Variants in NVL observed in about 807,000 individuals in gnomAD.
The protein encoded by NVL is nuclear VCP like.
In NVL, 84 loss-of-function variants were observed where a neutral mutation model predicts 110.2. The observed-to-expected ratio is 0.76, with a 90% CI of 0.64 to 0.91. NVL has a LOEUF of 0.91. NVL is among the 40% of genes least tolerant of loss of function. The pLI is 0.00. For synonymous variants in NVL, 354 were observed against 361.1 expected (o/e 0.98, Z 0.22); for missense variants, 882 against 1,035.9 (o/e 0.85, Z 2.04).
intron 2 of NVL, among the ~76,000 whole-genome samples, chr1:224,324,094 C>T (rs1052649469): frequency 1.8e-4 from 27 of 152,272 alleles, no homozygotes; most frequent in African/African-American, 6.5e-4. Flanking sequence ...CTATTACACA[C>T]CTAGACTACA....
intron 19 of NVL, among the ~76,000 whole-genome samples, chr1:224,239,130 G>A (rs895384716): frequency 6.6e-6 from 1 of 151,870 alleles, no homozygotes; most frequent in African/African-American, 2.4e-5. Flanking sequence ...TTTCTTTCTT[G>A]AATCTCTAAA....
At chr1:224,230,903 A>G (rs113226152) in intron 22 of NVL, among the ~76,000 whole-genome samples, 5,126 of 151,786 alleles carry the variant, frequency 0.034, 269 homozygotes, top group African/African-American at 0.12. Flanking sequence ...GGAGGCAGAG[A>G]CGGGCGGATC....
chr1:224,323,942 C>T (rs982868193), intron 2 of NVL, among the ~76,000 whole-genome samples: 5 of 152,216 alleles, frequency 3.3e-5, no homozygotes, highest in Non-Finnish European at 5.9e-5. Flanking sequence ...GTCTAACCTA[C>T]ACCTATGCCT....
chr1:224,274,647 A>G (rs1397320723), intron 17 of NVL, among the ~76,000 whole-genome samples: 1 of 152,178 alleles, frequency 6.6e-6, no homozygotes, highest in African/African-American at 2.4e-5. Context: ...GAAAAAAATA[A>G]AAATAAAAAT....
intron 11 of NVL, 97 bp from the exon 12 acceptor site, chr1:224,294,508 A>G: frequency 7.8e-7 from 1 of 1,275,224 alleles, no homozygotes; most frequent in Non-Finnish European, 1.1e-6. Context: ...AAAGTATTAC[A>G]GATTTTGACA....
At chr1:224,279,254 G>C (rs2102584213) in intron 16 of NVL, among the ~76,000 whole-genome samples, 2 of 152,196 alleles carry the variant, frequency 1.3e-5, no homozygotes, top group South Asian at 4.2e-4. Flanking sequence ...ACAGAGATAA[G>C]TATTATAAAT....
At position 224,255,191 on chromosome 1, in the gene NVL, T is replaced by TG. The variant is rs1346443770; in HGVS notation, c.2183-4874_2183-4873insC. ...GCCCAAAATGGTGTAGGTTTTTTTT[T>TG]TTTTTTTTTTTTTCCTGAGACAGGG... is the stretch of plus-strand genomic sequence containing the variant. On this transcript the variant is annotated intron_variant, in intron 18 of 22. Transcript: ENST00000281701. Among the ~76,000 whole-genome samples the TG allele has an allele frequency of 2.7e-3, 356 of 131,822 alleles. 2 individuals carry two copies. Among genetic ancestry groups the TG allele is most frequent in the Non-Finnish European group, 4.4e-3 (272 of 61,624 alleles). 86.5% of individuals were successfully genotyped at this position (131,822 alleles called of 152,430 possible). A position where few individuals can be genotyped will look rare whatever the true frequency, so the allele number is the denominator to read the frequency against.
intron 19 of NVL, among the ~76,000 whole-genome samples, chr1:224,249,158 T>TTC (rs1662185151): frequency 6.6e-6 from 1 of 151,900 alleles, no homozygotes; most frequent in Non-Finnish European, 1.5e-5. Flanking sequence ...CAATTTTTTT[T>TTC]TTTGAGAGAG....
At position 224,273,046 on chromosome 1, in the gene NVL, A is replaced by AAC. The variant is rs1553317404; in HGVS notation, c.2082+2292_2082+2293insGT. On this transcript the variant is annotated intron_variant, in intron 17 of 22. Coordinates refer to ENST00000281701, the MANE Select transcript of NVL (RefSeq NM_002533.4). ...GAGACTCCGTCTCAAAAAAAAACAA[A>AAC]AAAAACAAACAAACAAAAAAAAACA... Among the ~76,000 whole-genome samples the AAC allele has an allele frequency of 2.2e-5, 3 of 138,712 alleles. No homozygotes were observed. The Admixed American group carries it at 2.2e-4, about 10-fold the overall frequency. The allele number at this position is 138,712 out of a possible 152,430, so 91.0% of individuals were successfully genotyped here. A position where few individuals can be genotyped will look rare whatever the true frequency, so the allele number is the denominator to read the frequency against.
chr1:224,326,382 T>C lies in NVL; in HGVS notation c.131+9A>G. The C allele has an allele frequency of 1.3e-6, 2 of 1,586,050 alleles. No individual in the cohort carries two copies. The highest frequency in any genetic ancestry group is 1.7e-6 in the Non-Finnish European group (2 of 1,164,194). ...AAAATCCAAGGATCCGGAAACTATATTTATTTACCTGTACACTCTTTGTAA... is the reference window on the plus strand; with the variant it reads ...AAAATCCAAGGATCCGGAAACTATACTTATTTACCTGTACACTCTTTGTAA... On this transcript the variant is annotated intron_variant, in intron 2 of 22. Transcript: ENST00000281701.
chr1:224,288,378 A>T (rs1267755421), intron 13 of NVL, among the ~76,000 whole-genome samples: 1 of 152,196 alleles, frequency 6.6e-6, no homozygotes, highest in Non-Finnish European at 1.5e-5. Flanking sequence ...TGGAGGTAGT[A>T]TAATTCATTA....
At chr1:224,268,444 G>A (rs932977859) in intron 17 of NVL, among the ~76,000 whole-genome samples, 3 of 152,040 alleles carry the variant, frequency 2.0e-5, no homozygotes, top group African/African-American at 7.2e-5. Context: ...TGATGTTTTC[G>A]AGTTACTCAA....
intron 5 of NVL, 100 bp from the exon 6 acceptor site, chr1:224,308,363 T>C (rs929935894): frequency 9.6e-7 from 1 of 1,045,120 alleles, no homozygotes; most frequent in Non-Finnish European, 1.4e-6. Context: ...TTTTGTTTTT[T>C]AACAACTTCT....
chr1:224,292,939 G>A (rs904972965), intron 12 of NVL, among the ~76,000 whole-genome samples: 1 of 151,998 alleles, frequency 6.6e-6, no homozygotes, highest in African/African-American at 2.4e-5. Context: ...ATTTTTAGTA[G>A]AGATGGGGTT....
rs557162469 is a variant in NVL at position 224,267,084 on chromosome 1, A to G, written c.2182+950T>C. The stretch of plus-strand genomic sequence containing the variant: ...CTTTGTTGAGCTAATGTGGTGACGC[A>G]TAGTGGCCCCACAGATAGCTTCGGG... On this transcript the variant is annotated intron_variant, in intron 18 of 22. Coordinates refer to ENST00000281701, the MANE Select transcript of NVL (RefSeq NM_002533.4). 7.9e-5 allele frequency among the ~76,000 whole-genome samples: 12 copies of G among 152,290 alleles called. No individual in the cohort carries two copies. The East Asian group carries it at 1.3e-3, about 17-fold the overall frequency.
intron 18 of NVL, among the ~76,000 whole-genome samples, chr1:224,251,271 C>CAAAA (rs35538758): frequency 2.3e-4 from 14 of 62,154 alleles, no homozygotes; most frequent in East Asian, 6.0e-4. Flanking sequence ...GATACTGTCT[C>CAAAA]AAAAAAAAAA....
At chr1:224,244,860 A>G (rs1468319905) in intron 19 of NVL, among the ~76,000 whole-genome samples, 3 of 151,046 alleles carry the variant, frequency 2.0e-5, no homozygotes, top group East Asian at 2.0e-4. Context: ...GCTAATTTTT[A>G]TATTTTTAGT....
In NVL at chr1:224,287,522, T is replaced by C. The variant is rs116082673; in HGVS notation, c.1794+253A>G. Among the ~76,000 whole-genome samples, 1,035 of 152,262 alleles carry C rather than the reference T, an allele frequency of 6.8e-3. 8 individuals are homozygous for C. The highest frequency in any genetic ancestry group is 9.9e-3 in the Non-Finnish European group (671 of 68,018). On this transcript the variant is annotated intron_variant, in intron 14 of 22. Transcript: ENST00000281701. ...CATCAATACACATTTAATATATGTA[T>C]CAAAATATCACATGTATCCCAAAAA...
At chr1:224,296,423 ATTT>A in intron 11 of NVL, 75 bp downstream of exon 11, 1 of 744,000 alleles carries the variant, frequency 1.3e-6, no homozygotes, top group Non-Finnish European at 2.1e-6. Context: ...TATGAATATT[ATTT>A]TTTATCTTCA....
Sources: allele counts gnomAD v4.1 joint callset (sites outside exome capture counted in the v4.1 genomes callset), GRCh38; gene constraint gnomAD v4.1.1; transcripts MANE v1.5; gene names NCBI Gene and HGNC (gene_info 2026-07-23, HGNC 2026-07-21).